Variants in TTC29 observed in about 807,000 individuals in gnomAD.
TTC29 encodes the protein tetratricopeptide repeat domain 29.
In TTC29, 49 loss-of-function variants were observed where a neutral mutation model predicts 58.1. The ratio of observed to expected loss-of-function variants is 0.84; its 90% CI spans 0.67 to 1.07. TTC29 has a LOEUF of 1.07. TTC29 is among the 50% of genes least tolerant of loss of function. TTC29 has a pLI of 0.00. For synonymous variants in TTC29, 209 were observed against 196.8 expected (o/e 1.06, Z -0.52); for missense variants, 582 against 555.6 (o/e 1.05, Z -0.48).
intron 8 of TTC29, among the ~76,000 whole-genome samples, chr4:146,838,031 T>C (rs1344782562): frequency 6.6e-6 from 1 of 152,048 alleles, no homozygotes; most frequent in Non-Finnish European, 1.5e-5. Context: ...GAGTGCTACA[T>C]GGCCACTCTA....
chr4:146,879,955 CTG>C (rs2150231007), intron 6 of TTC29, among the ~76,000 whole-genome samples: 1 of 152,282 alleles, frequency 6.6e-6, no homozygotes, highest in African/African-American at 2.4e-5. Context: ...TTCATCATCA[CTG>C]TGAGTAACCA....
chr4:146,936,276 G>T (rs1735810776), intron 4 of TTC29, among the ~76,000 whole-genome samples: 1 of 152,120 alleles, frequency 6.6e-6, no homozygotes, highest in African/African-American at 2.4e-5. Context: ...TCTTCAGCCT[G>T]CACTGAAAAC....
At chr4:146,925,536 T>A (rs945535636) in intron 4 of TTC29, among the ~76,000 whole-genome samples, 1 of 152,158 alleles carries the variant, frequency 6.6e-6, no homozygotes, top group Non-Finnish European at 1.5e-5. Flanking sequence ...GGTAAGAATT[T>A]ATTATCCTTT....
At chr4:146,742,468 C>A (rs1745225101) in intron 11 of TTC29, among the ~76,000 whole-genome samples, 1 of 152,040 alleles carries the variant, frequency 6.6e-6, no homozygotes, top group Admixed American at 6.6e-5. Flanking sequence ...AACAGTTTGT[C>A]CAGTAAATAC....
At chr4:146,846,660 G>A (rs1729193372) in intron 8 of TTC29, among the ~76,000 whole-genome samples, 1 of 152,068 alleles carries the variant, frequency 6.6e-6, no homozygotes, top group African/African-American at 2.4e-5. Flanking sequence ...TTACATTTGT[G>A]GGTGACTATC....
intron 4 of TTC29, among the ~76,000 whole-genome samples, chr4:146,928,832 G>A (rs1465775616): frequency 6.6e-6 from 1 of 152,122 alleles, no homozygotes; most frequent in Non-Finnish European, 1.5e-5. Context: ...ACAGCCTTGA[G>A]TGATCCTTTT....
chr4:146,737,536 T>C (rs1475446519), intron 11 of TTC29, among the ~76,000 whole-genome samples: 3 of 142,958 alleles, frequency 2.1e-5, no homozygotes, highest in Admixed American at 7.3e-5. Context: ...GGGCAGATTA[T>C]CTGGTCGGAA....
chr4:146,735,110 G>C (rs113403021), intron 11 of TTC29, among the ~76,000 whole-genome samples: 11 of 152,254 alleles, frequency 7.2e-5, no homozygotes, highest in African/African-American at 1.4e-4. Context: ...AGAATGCTGG[G>C]TTGGACCTTA....
At chr4:146,836,770 A>C (rs1383086011) in intron 8 of TTC29, among the ~76,000 whole-genome samples, 2 of 152,172 alleles carry the variant, frequency 1.3e-5, no homozygotes. Flanking sequence ...ATCATTAGAG[A>C]AATGCAAATC....
chr4:146,737,599 G>GC lies in TTC29; in HGVS notation c.1331-30049_1331-30048insG, dbSNP rs201874685. Among the ~76,000 whole-genome samples, 4 of 149,370 alleles carry GC rather than the reference G, an allele frequency of 2.7e-5. 1 individual carries two copies. Among genetic ancestry groups the GC allele is most frequent in the East Asian group, 2.0e-4 (1 of 5,080 alleles). On this transcript the variant is annotated intron_variant, in intron 11 of 12. Coordinates refer to ENST00000325106, the MANE Select transcript of TTC29 (RefSeq NM_031956.4). ...CTGATGCTAGTAGCCCTGGGGGGGG[G>GC]GGGGCTACAAACGGGTCTTGACAGG... is the stretch of plus-strand genomic sequence containing the variant.
intron 2 of TTC29, chr4:146,942,632 T>C (rs1736516974): frequency 2.6e-6 from 4 of 1,533,446 alleles, no homozygotes; most frequent in Middle Eastern, 1.7e-4. Context: ...AGTCTTCCAA[T>C]GTTACAGTGA....
chr4:146,721,052 T>C (rs1743319933), intron 11 of TTC29, among the ~76,000 whole-genome samples: 1 of 152,128 alleles, frequency 6.6e-6, no homozygotes, highest in African/African-American at 2.4e-5. Flanking sequence ...CATAACCCTC[T>C]GAATTAGTGC....
At chr4:146,800,591 A>G (rs1174425320) in intron 11 of TTC29, among the ~76,000 whole-genome samples, 1 of 152,178 alleles carries the variant, frequency 6.6e-6, no homozygotes, top group Admixed American at 6.5e-5. Flanking sequence ...GTCATCCTTC[A>G]TTCATGTGAT....
At chr4:146,785,194 C>CTTT (rs35617737) in intron 11 of TTC29, among the ~76,000 whole-genome samples, 22 of 137,616 alleles carry the variant, frequency 1.6e-4, no homozygotes, top group African/African-American at 4.5e-4. Context: ...AACTTGCTGC[C>CTTT]TTTTTTTTTT....
intron 11 of TTC29, among the ~76,000 whole-genome samples, chr4:146,756,184 A>C (rs1746434650): frequency 6.6e-6 from 1 of 151,768 alleles, no homozygotes; most frequent in East Asian, 1.9e-4. Context: ...TGAGGAGGAA[A>C]ATGGTGTGAA....
intron 11 of TTC29, among the ~76,000 whole-genome samples, chr4:146,719,195 TG>T (rs1743173565): frequency 6.7e-6 from 1 of 148,320 alleles, no homozygotes; most frequent in Non-Finnish European, 1.5e-5. Context: ...TTGGGGTGTG[TG>T]TGTGTGTGTG....
intron 11 of TTC29, among the ~76,000 whole-genome samples, chr4:146,744,454 C>CCAGCAG (rs1745394841): frequency 6.6e-6 from 1 of 152,052 alleles, no homozygotes; most frequent in South Asian, 2.1e-4. Context: ...GAATAGGTAA[C>CCAGCAG]CAGTAGCAGA....
intron 4 of TTC29, among the ~76,000 whole-genome samples, chr4:146,922,196 A>AT (rs1734639321): frequency 6.6e-6 from 1 of 151,332 alleles, no homozygotes; most frequent in African/African-American, 2.4e-5. Flanking sequence ...ATTTAAGTGC[A>AT]TTTTCTAAAA....
chr4:146,824,289 T>G (rs1161092890), intron 9 of TTC29, among the ~76,000 whole-genome samples: 1 of 152,206 alleles, frequency 6.6e-6, no homozygotes. Flanking sequence ...AATACCCAGT[T>G]TATTGAGAGT....
Sources: allele counts gnomAD v4.1 joint callset (sites outside exome capture counted in the v4.1 genomes callset), GRCh38; gene constraint gnomAD v4.1.1; transcripts MANE v1.5; gene names NCBI Gene and HGNC (gene_info 2026-07-23, HGNC 2026-07-21).